The following SASH1 variants were observed in gnomAD, a reference collection of about 807,000 sequenced individuals.
SASH1 encodes SAM and SH3 domain containing 1, also known as SAM and SH3 domain-containing protein 1.
In SASH1, 44 loss-of-function variants were observed where a neutral mutation model predicts 125.2. The ratio of observed to expected loss-of-function variants is 0.35; its 90% CI spans 0.28 to 0.45. SASH1 has a LOEUF of 0.45. SASH1 is among the 20% of genes least tolerant of loss of function. The probability of loss-of-function intolerance (pLI) is 1.00; values close to 1 mark genes in which losing one functional copy is unlikely to be tolerated. For missense variants in SASH1, 1,426 were observed against 1,614.5 expected (o/e 0.88, Z 2.00); for synonymous variants, 639 against 649.1 (o/e 0.98, Z 0.24).
At chr6:148,318,678 G>A (rs1780547876) in intron 1 of SASH1, among the ~76,000 whole-genome samples, 1 of 143,040 alleles carries the variant, frequency 7.0e-6, no homozygotes. Context: ...TCAGCCTCAC[G>A]AGTAGCTCGG....
intron 4 of SASH1, among the ~76,000 whole-genome samples, chr6:148,446,209 C>T (rs567625286): frequency 2.1e-4 from 31 of 149,648 alleles, no homozygotes; most frequent in African/African-American, 6.6e-4. Context: ...CCCAGGTCCA[C>T]GCCATTCTCC....
chr6:148,426,915 C>T (rs1775847673), intron 2 of SASH1, among the ~76,000 whole-genome samples: 2 of 152,082 alleles, frequency 1.3e-5, no homozygotes, highest in African/African-American at 4.8e-5. Flanking sequence ...CGGCTGGTCA[C>T]TTGAGACCAG....
intron 10 of SASH1, among the ~76,000 whole-genome samples, chr6:148,524,042 T>C (rs1659725472): frequency 6.6e-6 from 1 of 150,580 alleles, no homozygotes; most frequent in African/African-American, 2.4e-5. Flanking sequence ...TTCTGTGATT[T>C]CAAAAATGTA....
chr6:148,392,984 T>C (rs7768061), intron 2 of SASH1, among the ~76,000 whole-genome samples: 3,184 of 152,088 alleles, frequency 0.021, 118 homozygotes, highest in African/African-American at 0.073. Flanking sequence ...TTGGCAAGAT[T>C]ACCACAGGAC....
intron 1 of SASH1, among the ~76,000 whole-genome samples, chr6:148,275,779 T>C (rs1404643188): frequency 6.6e-6 from 1 of 152,232 alleles, no homozygotes; most frequent in Non-Finnish European, 1.5e-5. Flanking sequence ...TGGAATGCAG[T>C]GGCATGATCA....
chr6:148,323,531 G>A (rs1213176362), intron 1 of SASH1, among the ~76,000 whole-genome samples: 1 of 152,170 alleles, frequency 6.6e-6, no homozygotes, highest in Admixed American at 6.5e-5. Context: ...GCTGACGCTG[G>A]TCACTGGAGT....
intron 1 of SASH1, among the ~76,000 whole-genome samples, chr6:148,355,024 G>T (rs1050417991): frequency 6.6e-6 from 1 of 152,146 alleles, no homozygotes; most frequent in Non-Finnish European, 1.5e-5. Context: ...CTCCCAAAGT[G>T]CTGGGATTAC....
At chr6:148,468,013 G>T (rs1306890209) in intron 4 of SASH1, among the ~76,000 whole-genome samples, 1 of 152,206 alleles carries the variant, frequency 6.6e-6, no homozygotes, top group Non-Finnish European at 1.5e-5. Flanking sequence ...TTGCCAATTG[G>T]CAGCAACCAA....
At chr6:148,303,003 G>A (rs188781110) in intron 1 of SASH1, among the ~76,000 whole-genome samples, 51 of 151,862 alleles carry the variant, frequency 3.4e-4, no homozygotes, top group Admixed American at 1.1e-3. Flanking sequence ...TTTTTGAGAC[G>A]GAGTTTTGAT....
At chr6:148,240,286 T>G in the SASH1 span, among the ~76,000 whole-genome samples, 1 of 152,148 alleles carries the variant, frequency 6.6e-6, no homozygotes, top group East Asian at 1.9e-4. Flanking sequence ...GAGGTTGCAC[T>G]GCAGTTTTAG....
At chr6:148,294,623 C>T (rs1779715761) in intron 1 of SASH1, among the ~76,000 whole-genome samples, 1 of 152,186 alleles carries the variant, frequency 6.6e-6, no homozygotes, top group South Asian at 2.1e-4. Context: ...GAAAAGCCTG[C>T]ATGAGGCCTG....
In SASH1 at chr6:148,487,679, T is replaced by TTCTTACCCAACGTTTGATGGC; in HGVS notation, c.696_716dup (p.Tyr233_Ser239dup). On this transcript the variant is annotated inframe_insertion, in exon 8 of 20. Transcript: ENST00000367467. ...TGGACCCTGCTGACTGGCCAGATGG[T>TTCTTACCCAACGTTTGATGGC]TCTTACCCAACGTTTGATGGCTCAT... 1 of 1,613,656 alleles carries TTCTTACCCAACGTTTGATGGC rather than the reference T, an allele frequency of 6.2e-7. No homozygotes were observed. The highest frequency in any genetic ancestry group is 8.5e-7 in the Non-Finnish European group (1 of 1,179,766).
the SASH1 span, among the ~76,000 whole-genome samples, chr6:148,253,239 A>G: frequency 2.2e-4 from 33 of 152,244 alleles, no homozygotes; most frequent in African/African-American, 7.2e-4. Flanking sequence ...GATCAGTGGA[A>G]TCAAATTGAG....
Position 148,343,052 on chromosome 6 carries a change from C to G in SASH1, c.-16C>G. ...CGCGGGGACTGGGACGCACGGCCCGCGCGCGGGACACGGCCATGGAGGACG... is the reference window on the plus strand; with the variant it reads ...CGCGGGGACTGGGACGCACGGCCCGGGCGCGGGACACGGCCATGGAGGACG... On this transcript the variant is annotated 5_prime_UTR_variant, in exon 1 of 20. Transcript: ENST00000367467. 2 of 1,277,692 alleles carry G rather than the reference C, an allele frequency of 1.6e-6. No homozygotes were observed. Among genetic ancestry groups the G allele is most frequent in the Middle Eastern group, 2.7e-4 (1 of 3,666 alleles). The allele number at this position is 1,277,692 out of a possible 1,614,324, so 79.1% of individuals were successfully genotyped here.
chr6:148,538,007 C>T (rs1294629390), intron 16 of SASH1, among the ~76,000 whole-genome samples: 1 of 152,082 alleles, frequency 6.6e-6, no homozygotes, highest in Non-Finnish European at 1.5e-5. Flanking sequence ...TACCTTGGCA[C>T]CCACGCTGAC....
intron 8 of SASH1, among the ~76,000 whole-genome samples, chr6:148,507,958 T>C (rs906429214): frequency 6.6e-6 from 1 of 152,324 alleles, no homozygotes; most frequent in African/African-American, 2.4e-5. Flanking sequence ...TTTAGTCCTG[T>C]GTTGTTTAGA....
At chr6:148,342,614 G>A (rs981452282), upstream of SASH1, 5 of 152,136 alleles carry the variant, frequency 3.3e-5, no homozygotes, top group African/African-American at 1.2e-4. Context: ...AGGGGTCCCG[G>A]GGAGCTCCCT....
intron 1 of SASH1, among the ~76,000 whole-genome samples, chr6:148,351,510 G>A (rs1781729738): frequency 2.6e-5 from 4 of 151,808 alleles, no homozygotes; most frequent in Admixed American, 2.0e-4. Context: ...GCCTGGTTGT[G>A]GCTTCCTTCT....
the SASH1 span, among the ~76,000 whole-genome samples, chr6:148,249,560 A>G: frequency 6.6e-6 from 1 of 152,204 alleles, no homozygotes; most frequent in Non-Finnish European, 1.5e-5. Flanking sequence ...GCAACTTACC[A>G]GCCATTTGAC....
Sources: gnomAD v4.1 joint callset for allele counts (sites outside exome capture counted in the v4.1 genomes callset) on GRCh38, gnomAD v4.1.1 for gene constraint, MANE v1.5 for transcripts, NCBI Gene and HGNC (gene_info 2026-07-23, HGNC 2026-07-21) for gene names.